SLC30A9: variants seen among roughly 807,000 people sequenced by gnomAD.
The protein encoded by SLC30A9 is proton-coupled zinc antiporter SLC30A9, mitochondrial.
Under a neutral mutation model 87.5 loss-of-function variants are expected in SLC30A9, and 58 were observed. The observed-to-expected ratio is 0.66, with a 90% confidence interval of 0.54 to 0.82. The LOEUF (loss-of-function observed/expected upper bound fraction) is 0.82. Among genes scored for constraint, SLC30A9 ranks in the 40% least tolerant of loss-of-function variants. The pLI is 0.00. For missense variants in SLC30A9, 557 were observed against 679.1 expected (o/e 0.82, Z 2.00); for synonymous variants, 234 against 233.0 (o/e 1.00, Z -0.04).
At chr4:42,028,609 C>T (rs1489568912) in intron 6 of SLC30A9, among the ~76,000 whole-genome samples, 2 of 152,172 alleles carry the variant, frequency 1.3e-5, no homozygotes, top group African/African-American at 4.8e-5. Context: ...AGATACTTCC[C>T]AGAAAATATT....
At chr4:42,023,433 A>T in intron 6 of SLC30A9, 49 bp downstream of exon 6, 2 of 1,203,358 alleles carry the variant, frequency 1.7e-6, no homozygotes, top group Non-Finnish European at 2.5e-6. Flanking sequence ...TAACTTGTAG[A>T]TGAGAACTGT....
intron 9 of SLC30A9, among the ~76,000 whole-genome samples, chr4:42,053,624 G>A (rs1040964003): frequency 1.4e-5 from 2 of 145,376 alleles, no homozygotes; most frequent in African/African-American, 2.7e-5. Context: ...GGGAGGCGGG[G>A]GTTACAGTGA....
chr4:42,019,799 T>C (rs916801067), intron 3 of SLC30A9, among the ~76,000 whole-genome samples: 4 of 152,050 alleles, frequency 2.6e-5, no homozygotes, highest in Non-Finnish European at 4.4e-5. Flanking sequence ...TATTTATTTA[T>C]TTATTATTTT....
intron 2 of SLC30A9, among the ~76,000 whole-genome samples, chr4:42,012,786 C>CA (rs904041113): frequency 6.0e-5 from 9 of 150,752 alleles, no homozygotes; most frequent in African/African-American, 1.2e-4. Flanking sequence ...AACAAACAAA[C>CA]AAAAAAAACT....
chr4:42,013,967 G>A (rs933518989), intron 2 of SLC30A9, among the ~76,000 whole-genome samples: 1 of 152,088 alleles, frequency 6.6e-6, no homozygotes, highest in African/African-American at 2.4e-5. Context: ...CCCATAAAAT[G>A]GGAGAAAGTA....
chr4:41,997,180 G>GT (rs1172855893), intron 1 of SLC30A9, among the ~76,000 whole-genome samples: 2 of 150,974 alleles, frequency 1.3e-5, no homozygotes, highest in Non-Finnish European at 3.0e-5. Flanking sequence ...AAGATTCTCT[G>GT]TTTTTTACTC....
chr4:41,998,521 T>A (rs1264734397), intron 1 of SLC30A9, among the ~76,000 whole-genome samples: 1 of 151,274 alleles, frequency 6.6e-6, no homozygotes, highest in African/African-American at 2.4e-5. Context: ...TGGAATGCAA[T>A]GGCGCGATCT....
At position 42,088,717 on chromosome 4, in the gene SLC30A9, C is replaced by T. The variant is rs370282936; in HGVS notation, c.*2591C>T. On this transcript the variant is annotated 3_prime_UTR_variant, in exon 18 of 18. Coordinates refer to ENST00000264451, the MANE Select transcript of SLC30A9 (RefSeq NM_006345.4). ...TGCTAAAGTATTCATGAGAACTCCA[C>T]CCCCGTGATCCAGTCATCTCCCACC... 1 of 152,284 alleles carries T rather than the reference C, an allele frequency of 6.6e-6. No individual in the cohort carries two copies. The highest frequency in any genetic ancestry group is 6.5e-5 in the Admixed American group (1 of 15,280). The allele number at this position is 152,284 out of a possible 1,614,324, so 9.4% of individuals were successfully genotyped here.
Position 42,078,239 on chromosome 4 carries a change from GA to G in SLC30A9, c.1578del (p.Glu526AspfsTer2). On this transcript the variant is annotated frameshift_variant, in exon 17 of 18. Coordinates refer to ENST00000264451, the MANE Select transcript of SLC30A9 (RefSeq NM_006345.4). LOFTEE classifies it high-confidence loss of function. The stretch of plus-strand genomic sequence containing the variant: ...AATTCAAGAAGTGAAAACTCCTGAA[GA>G]ACTAGAGACCTTTATGCTTAAACAT... Reference protein sequence around the residue: ...QEIQEVKTPEELETFMLKHGE... With the variant: ...QEIQEVKTPEXLETFMLKHGE... The G allele has an allele frequency of 6.4e-7, 1 of 1,555,382 alleles. No individual in the cohort carries two copies. Among genetic ancestry groups the G allele is most frequent in the South Asian group, 1.2e-5 (1 of 83,872 alleles).
intron 7 of SLC30A9, among the ~76,000 whole-genome samples, chr4:42,037,399 A>G (rs1716730123): frequency 6.6e-6 from 1 of 151,516 alleles, no homozygotes; most frequent in Non-Finnish European, 1.5e-5. Flanking sequence ...TTATATAATA[A>G]TTTCCCCTTT....
intron 14 of SLC30A9, among the ~76,000 whole-genome samples, chr4:42,068,033 T>C (rs1718152977): frequency 1.3e-5 from 2 of 152,208 alleles, no homozygotes; most frequent in Non-Finnish European, 2.9e-5. Flanking sequence ...TTGCAAACAT[T>C]TATTCTTTGA....
At chr4:42,005,378 C>T (rs1470870155) in intron 2 of SLC30A9, among the ~76,000 whole-genome samples, 1 of 152,164 alleles carries the variant, frequency 6.6e-6, no homozygotes, top group Non-Finnish European at 1.5e-5. Flanking sequence ...TGTTAGGGTT[C>T]ACTTGTCTGT....
At chr4:41,997,772 TAAC>T (rs768931584) in intron 1 of SLC30A9, among the ~76,000 whole-genome samples, 7 of 152,244 alleles carry the variant, frequency 4.6e-5, no homozygotes, top group Admixed American at 2.0e-4. Context: ...TCACACTTAA[TAAC>T]CTCTTTAAAA....
chr4:42,065,559 G>A lies in SLC30A9; in HGVS notation c.1072+210G>A, dbSNP rs542803952. Among the ~76,000 whole-genome samples, 18 of 152,232 alleles carry A rather than the reference G, an allele frequency of 1.2e-4. No homozygotes were observed. In the East Asian group the frequency reaches 2.1e-3, roughly 18 times the overall value. On this transcript the variant is annotated intron_variant, in intron 12 of 17. Transcript: ENST00000264451. ...TAGCTGTGGGGGGGTGTGTAACTGCGCCCTGCCATGGGATGGCATCCTGGC... is the reference window on the plus strand; with the variant it reads ...TAGCTGTGGGGGGGTGTGTAACTGCACCCTGCCATGGGATGGCATCCTGGC...
chr4:42,012,724 T>G (rs1337461949), intron 2 of SLC30A9, among the ~76,000 whole-genome samples: 1 of 152,108 alleles, frequency 6.6e-6, no homozygotes, highest in Admixed American at 6.5e-5. Context: ...TTAACCATCT[T>G]CATCTCTCAA....
At chr4:42,033,927 A>G (rs1028474200) in intron 6 of SLC30A9, among the ~76,000 whole-genome samples, 4 of 152,186 alleles carry the variant, frequency 2.6e-5, no homozygotes, top group Non-Finnish European at 5.9e-5. Context: ...ATAGCGGTAA[A>G]TAGAGACATT....
intron 6 of SLC30A9, among the ~76,000 whole-genome samples, chr4:42,023,676 A>G (rs1212676426): frequency 6.6e-6 from 1 of 152,104 alleles, no homozygotes; most frequent in Non-Finnish European, 1.5e-5. Flanking sequence ...TACTTGTTAT[A>G]AAAGTGATAG....
At chr4:42,011,927 A>T (rs1715462145) in intron 2 of SLC30A9, among the ~76,000 whole-genome samples, 1 of 152,224 alleles carries the variant, frequency 6.6e-6, no homozygotes, top group Non-Finnish European at 1.5e-5. Context: ...AGAGTTAGTA[A>T]ATTCAAATTC....
chr4:42,027,146 T>G (rs961828871), intron 6 of SLC30A9, among the ~76,000 whole-genome samples: 3 of 152,196 alleles, frequency 2.0e-5, no homozygotes, highest in African/African-American at 7.2e-5. Flanking sequence ...TGTTTTTGTA[T>G]AGTTTATAAG....
Sources: allele counts gnomAD v4.1 joint callset (sites outside exome capture counted in the v4.1 genomes callset), GRCh38; gene constraint gnomAD v4.1.1; transcripts MANE v1.5; gene names NCBI Gene and HGNC (gene_info 2026-07-23, HGNC 2026-07-21).